Variants in CDH8 observed in about 807,000 individuals in gnomAD.
CDH8 encodes cadherin 8, also known as cadherin-8.
A neutral mutation model predicts 68.1 loss-of-function variants in CDH8; 17 were observed. That is an observed-to-expected ratio of 0.25 (90% CI 0.17 to 0.37). The LOEUF (loss-of-function observed/expected upper bound fraction) is 0.37. Ranked by LOEUF, CDH8 falls within the 10% of genes least tolerant of loss-of-function variation. The pLI, the probability that CDH8 is intolerant of heterozygous loss-of-function variation, is 1.00. For synonymous variants in CDH8, 372 were observed against 365.1 expected, an observed-to-expected ratio of 1.02 and a Z score of -0.21; for missense variants, 763 against 999.3, an observed-to-expected ratio of 0.76 and a Z score of 3.19.
rs748279607 is a variant in CDH8, at chr16:61,647,937, C to T, written c.*5671G>A. ...TATTATCTATTAGTAGGGATACTTG[C>T]AAGAAATAATACTTGCATTCAAGAT... is the stretch of plus-strand genomic sequence containing the variant. On this transcript the variant is annotated 3_prime_UTR_variant, in exon 12 of 12. Transcript: ENST00000577390. 5 of 674,678 alleles carry T rather than the reference C, an allele frequency of 7.4e-6. No homozygotes were observed. The African/African-American group carries it at 9.0e-5, about 12-fold the overall frequency. The allele number at this position is 674,678 out of a possible 1,614,324, so 41.8% of individuals were successfully genotyped here. A position where few individuals can be genotyped will look rare whatever the true frequency, so the allele number is the denominator to read the frequency against.
intron 2 of CDH8, among the ~76,000 whole-genome samples, chr16:61,958,910 T>C (rs1296253310): frequency 6.6e-6 from 1 of 152,120 alleles, no homozygotes; most frequent in Non-Finnish European, 1.5e-5. Context: ...TCCATCAGTA[T>C]AACCCCCAGG....
intron 8 of CDH8, among the ~76,000 whole-genome samples, chr16:61,777,986 G>A (rs187711272): frequency 4.6e-5 from 7 of 152,154 alleles, no homozygotes; most frequent in African/African-American, 1.4e-4. Context: ...TTGAGAACCT[G>A]CATGCCTATC....
chr16:61,717,203 C>A (rs558280529), intron 9 of CDH8, among the ~76,000 whole-genome samples: 1 of 151,648 alleles, frequency 6.6e-6, no homozygotes, highest in East Asian at 1.9e-4. Flanking sequence ...TCTAATGTTT[C>A]ATAATTTATT....
chr16:61,956,287 G>A (rs1208261568), intron 2 of CDH8, among the ~76,000 whole-genome samples: 2 of 152,052 alleles, frequency 1.3e-5, no homozygotes, highest in East Asian at 3.9e-4. Flanking sequence ...TTGCATAACA[G>A]AAGTGATATT....
rs1278250691 is a variant in CDH8, at chr16:61,864,046, T to G, written c.548-6808A>C. ...GGTGTTGGGAGCACAGGGGTTGCCA[T>G]GACAACCTTTTTTGGGTTGTTGTAT... is the stretch of plus-strand genomic sequence containing the variant. On this transcript the variant is annotated intron_variant, in intron 3 of 11. Transcript: ENST00000577390. Among the ~76,000 whole-genome samples, 7 of 152,194 alleles carry G rather than the reference T, an allele frequency of 4.6e-5. No individual in the cohort carries two copies. The East Asian group carries it at 1.3e-3, about 29-fold the overall frequency.
intron 3 of CDH8, among the ~76,000 whole-genome samples, chr16:61,861,681 A>G (rs988163187): frequency 6.6e-6 from 1 of 152,264 alleles, no homozygotes. Context: ...GTCTTCAACC[A>G]GAACATTTCT....
rs1960666254 is a variant in CDH8, at chr16:61,768,354, CT to C, written c.1414+20991del. ...TCTCTCTCTCTCTCTCTCTCTCTCT[CT>C]CTCTCTCTCTCTCCCTTTCTCTCTC... On this transcript the variant is annotated intron_variant, in intron 8 of 11. Coordinates refer to ENST00000577390, the MANE Select transcript of CDH8 (RefSeq NM_001796.5). 2.8e-3 allele frequency among the ~76,000 whole-genome samples: 321 copies of C among 114,018 alleles called. 1 individual carries two copies. The highest frequency in any genetic ancestry group is 0.011 in the African/African-American group (301 of 28,584). The allele number at this position is 114,018 out of a possible 152,430, so 74.8% of individuals were successfully genotyped here. A position where few individuals can be genotyped will look rare whatever the true frequency, so the allele number is the denominator to read the frequency against.
At chr16:61,792,679 A>T (rs1961406994) in intron 7 of CDH8, among the ~76,000 whole-genome samples, 1 of 152,004 alleles carries the variant, frequency 6.6e-6, no homozygotes, top group Non-Finnish European at 1.5e-5. Flanking sequence ...CTCGCTTCTG[A>T]GTCATTGTGA....
At chr16:61,732,588 T>C (rs1221272225) in intron 8 of CDH8, among the ~76,000 whole-genome samples, 2 of 151,798 alleles carry the variant, frequency 1.3e-5, no homozygotes, top group African/African-American at 4.8e-5. Context: ...AGAAAATTTG[T>C]TCCTAGTAGA....
chr16:61,844,078 A>G (rs1962746388), intron 4 of CDH8, among the ~76,000 whole-genome samples: 1 of 152,006 alleles, frequency 6.6e-6, no homozygotes, highest in Non-Finnish European at 1.5e-5. Flanking sequence ...CATATACACC[A>G]TGGAATACTA....
At chr16:62,007,186 G>A (rs1425191736) in intron 2 of CDH8, among the ~76,000 whole-genome samples, 13 of 152,106 alleles carry the variant, frequency 8.5e-5, no homozygotes, top group Middle Eastern at 3.2e-3. Context: ...GATTACAGGC[G>A]CAAGCCACCA....
At chr16:61,658,980 T>C (rs1261549856) in intron 10 of CDH8, among the ~76,000 whole-genome samples, 3 of 152,188 alleles carry the variant, frequency 2.0e-5, no homozygotes, top group Non-Finnish European at 4.4e-5. Context: ...AGTAAACCTG[T>C]TTAAAATTTA....
intron 2 of CDH8, among the ~76,000 whole-genome samples, chr16:61,990,742 C>T (rs1312535677): frequency 6.6e-6 from 1 of 151,830 alleles, no homozygotes; most frequent in African/African-American, 2.4e-5. Context: ...GAGGATTGCT[C>T]AAGCCCAGGA....
At chr16:61,989,425 A>G (rs764437860) in intron 2 of CDH8, among the ~76,000 whole-genome samples, 34 of 152,304 alleles carry the variant, frequency 2.2e-4, no homozygotes, top group Non-Finnish European at 2.1e-4. Flanking sequence ...CTCTCAAGAC[A>G]TGGGGAGACA....
chr16:61,928,028 C>T (rs558291950), intron 2 of CDH8, among the ~76,000 whole-genome samples: 40 of 152,142 alleles, frequency 2.6e-4, no homozygotes, highest in Non-Finnish European at 5.9e-5. Flanking sequence ...AATAGTTGCA[C>T]TTTTGTGACC....
chr16:61,879,749 A>G (rs1963533865), intron 3 of CDH8, among the ~76,000 whole-genome samples: 1 of 152,172 alleles, frequency 6.6e-6, no homozygotes, highest in Non-Finnish European at 1.5e-5. Context: ...TCTGCCATGC[A>G]TCCAGCCAGT....
chr16:61,774,008 G>T (rs1960846329), intron 8 of CDH8, among the ~76,000 whole-genome samples: 2 of 152,044 alleles, frequency 1.3e-5, no homozygotes, highest in Admixed American at 1.3e-4. Context: ...TTGGGTAGGG[G>T]TGGATAAGGA....
chr16:61,657,086 T>C (rs1377045632), intron 10 of CDH8, among the ~76,000 whole-genome samples: 1 of 151,854 alleles, frequency 6.6e-6, no homozygotes, highest in Non-Finnish European at 1.5e-5. Flanking sequence ...TGGCCAATTA[T>C]AGACCCCCGA....
chr16:61,741,818 A>T (rs1460427067), intron 8 of CDH8, among the ~76,000 whole-genome samples: 1 of 152,050 alleles, frequency 6.6e-6, no homozygotes, highest in East Asian at 1.9e-4. Flanking sequence ...TAAATATTTT[A>T]TTATTTTTGC....
Sources: allele counts gnomAD v4.1 joint callset (sites outside exome capture counted in the v4.1 genomes callset), GRCh38; gene constraint gnomAD v4.1.1; transcripts MANE v1.5; gene names NCBI Gene and HGNC (gene_info 2026-07-23, HGNC 2026-07-21).